Variants in ACSF3 observed in about 807,000 individuals in gnomAD.
ACSF3 encodes the protein acyl-CoA synthetase family member 3, also known as malonate--CoA ligase ACSF3, mitochondrial.
A neutral mutation model predicts 53.2 loss-of-function variants in ACSF3; 78 were observed. The ratio of observed to expected loss-of-function variants is 1.47; its 90% confidence interval spans 1.22 to 1.77. The LOEUF is 1.77. ACSF3 is among the 40% of genes most tolerant of loss of function. The pLI is 0.00. For missense variants in ACSF3, 937 were observed against 771.1 expected, an observed-to-expected ratio of 1.22 and a Z score of -2.55; for synonymous variants, 414 against 333.1, an observed-to-expected ratio of 1.24 and a Z score of -2.65.
At position 89,133,006 on chromosome 16, in the gene ACSF3, C is replaced by T. The variant is rs73254074; in HGVS notation, c.1240-130C>T. On this transcript the variant is annotated intron_variant, in intron 7 of 10. Transcript: ENST00000614302. ...GCGTTTTCCAAGCATTCCAACAAAGCGCTCAGTTTCAGAAAGCACGCGGCC... is the reference window on the plus strand; with the variant it reads ...GCGTTTTCCAAGCATTCCAACAAAGTGCTCAGTTTCAGAAAGCACGCGGCC... The T allele has an allele frequency of 1.7e-3, 2,280 of 1,329,738 alleles. 40 individuals are homozygous for T. The African/African-American group carries it at 0.03, about 17-fold the overall frequency. The allele number at this position is 1,329,738 out of a possible 1,614,324, so 82.4% of individuals were successfully genotyped here. A position where few individuals can be genotyped will look rare whatever the true frequency, so the allele number is the denominator to read the frequency against.
rs569353960 is a variant in ACSF3 at position 89,114,713 on chromosome 16, T to A, written c.1126+226T>A. 522 of 647,768 alleles carry A rather than the reference T, an allele frequency of 8.1e-4. 4 individuals carry two copies. The South Asian group carries it at 8.7e-3, about 11-fold the overall frequency. The allele number at this position is 647,768 out of a possible 1,614,324, so 40.1% of individuals were successfully genotyped here. On this transcript the variant is annotated intron_variant, in intron 6 of 10. Transcript: ENST00000614302. ...CAGTCGGGTGGATGGGGGAGGTGTC[T>A]GTGCTGGCCCCTGGCTGTATGACTG...
At chr16:89,145,489 C>T (rs531608809) in intron 9 of ACSF3, 88 bp downstream of exon 9, 18 of 1,509,222 alleles carry the variant, frequency 1.2e-5, no homozygotes, top group African/African-American at 9.6e-5. Context: ...GATGAGTCGA[C>T]GCCGTCCCAG....
chr16:89,109,990 G>A (rs1053382350), intron 4 of ACSF3, among the ~76,000 whole-genome samples: 1 of 152,188 alleles, frequency 6.6e-6, no homozygotes, highest in African/African-American at 2.4e-5. Flanking sequence ...TTACTGAGTT[G>A]TAAGAGTTCT....
In ACSF3 at chr16:89,113,734, C is replaced by T. The variant is rs74419385; in HGVS notation, c.978-605C>T. The stretch of plus-strand genomic sequence containing the variant: ...AATGCTGTGTGAGAGCGCGGGGACT[C>T]GGAGTTCTCAGGGCCCGTGTTCTCC... On this transcript the variant is annotated intron_variant, in intron 5 of 10. Transcript: ENST00000614302. 1.0e-3 allele frequency: 187 copies of T among 187,096 alleles called. 8 individuals carry two copies. Among genetic ancestry groups the T allele is most frequent in the East Asian group, 6.3e-3 (46 of 7,340 alleles). 11.6% of individuals were successfully genotyped at this position (187,096 alleles called of 1,614,324 possible). A position where few individuals can be genotyped will look rare whatever the true frequency, so the allele number is the denominator to read the frequency against.
At chr16:89,097,087 G>A (rs1164298797) in intron 1 of ACSF3, among the ~76,000 whole-genome samples, 1 of 152,244 alleles carries the variant, frequency 6.6e-6, no homozygotes, top group Non-Finnish European at 1.5e-5. Flanking sequence ...TCGCCCTGCG[G>A]GGTGACTCAG....
At chr16:89,141,193 G>A (rs1187962850) in intron 8 of ACSF3, 1 of 1,287,244 alleles carries the variant, frequency 7.8e-7, no homozygotes, top group Non-Finnish European at 1.0e-6. Context: ...TGGCTCCGAT[G>A]CCTCTGAGCC....
chr16:89,094,709 A>G (rs913108836), intron 1 of ACSF3, among the ~76,000 whole-genome samples: 6 of 152,156 alleles, frequency 3.9e-5, no homozygotes, highest in Non-Finnish European at 7.4e-5. Flanking sequence ...CCTGGGCAAC[A>G]TGGTGAGACC....
At chr16:89,103,413 C>G (rs548160600) in intron 4 of ACSF3, among the ~76,000 whole-genome samples, 198 of 152,384 alleles carry the variant, frequency 1.3e-3, no homozygotes, top group Admixed American at 2.1e-3. Context: ...TCTTGCAGCT[C>G]TGGAGGCCGC....
At position 89,155,455 on chromosome 16, in the gene ACSF3, A is replaced by C; in HGVS notation, c.*1248A>C. The C allele has an allele frequency of 2.2e-6, 1 of 454,084 alleles. No individual in the cohort carries two copies. The allele number at this position is 454,084 out of a possible 1,614,324, so 28.1% of individuals were successfully genotyped here. ...GCTCACTTGAGCATGTCGCCCACCA[A>C]GCTTGTCTGAGGCCACAGAGCAGCG... On this transcript the variant is annotated 3_prime_UTR_variant, in exon 11 of 11. Transcript: ENST00000614302.
intron 7 of ACSF3, among the ~76,000 whole-genome samples, chr16:89,124,561 G>A (rs1907555830): frequency 1.2e-5 from 1 of 82,090 alleles, no homozygotes; most frequent in Admixed American, 1.5e-4. Flanking sequence ...ATGTATGTGT[G>A]TGAGATACCC....
intron 8 of ACSF3, among the ~76,000 whole-genome samples, chr16:89,134,966 G>A (rs550742263): frequency 1.2e-4 from 18 of 152,140 alleles, no homozygotes; most frequent in South Asian, 4.1e-4. Flanking sequence ...GTGGACACAC[G>A]TGGTTGTGTG....
intron 8 of ACSF3, among the ~76,000 whole-genome samples, chr16:89,139,954 A>G (rs747877220): frequency 6.6e-6 from 1 of 152,122 alleles, no homozygotes; most frequent in Non-Finnish European, 1.5e-5. Flanking sequence ...GCCCAGGTTG[A>G]GGAGCCACCA....
At chr16:89,118,145 C>T (rs1426166373) in intron 6 of ACSF3, among the ~76,000 whole-genome samples, 1 of 148,348 alleles carries the variant, frequency 6.7e-6, no homozygotes, top group African/African-American at 2.5e-5. Context: ...GACGCTCTCT[C>T]TTCTCTAAGG....
At position 89,114,478 on chromosome 16, in the gene ACSF3, C is replaced by A. The variant is rs144907664; in HGVS notation, c.1117C>A (p.Arg373Ser). Residue 373 changes from arginine to serine, a missense_variant, in exon 6 of 11, where the codon CGC becomes AGC. By Grantham distance (110) the Arg-to-Ser change is moderately radical. Coordinates refer to ENST00000614302, the MANE Select transcript of ACSF3 (RefSeq NM_001243279.3). ...ALSGPLTTAV[R>S]LPGSVGTPLP... is the part of the protein sequence containing the mutation. ...GTCCGGGCCCCTGACCACTGCCGTG[C>A]GCCTGCCAGGTACGAGCACTTCCCA... The A allele has an allele frequency of 3.1e-6, 5 of 1,611,722 alleles. No individual in the cohort carries two copies. In the African/African-American group the frequency reaches 6.7e-5, roughly 22 times the overall value.
At chr16:89,095,175 G>C (rs980949711) in intron 1 of ACSF3, 1 of 152,218 alleles carries the variant, frequency 6.6e-6, no homozygotes, top group Non-Finnish European at 1.5e-5. Flanking sequence ...GCCTGGCTCA[G>C]GCTGGTGTCC....
At chr16:89,151,518 C>T (rs1452152018) in intron 10 of ACSF3, 1 of 264,958 alleles carries the variant, frequency 3.8e-6, no homozygotes, top group Admixed American at 5.1e-5. Context: ...AGTTAATGCA[C>T]AAAAAGACAA....
chr16:89,131,937 C>G (rs1215153223), intron 7 of ACSF3, among the ~76,000 whole-genome samples: 1 of 152,280 alleles, frequency 6.6e-6, no homozygotes, highest in African/African-American at 2.4e-5. Context: ...TGGGTGGCGT[C>G]AGCCCCTCCT....
At chr16:89,109,246 A>AAAAAG (rs71391287) in intron 4 of ACSF3, among the ~76,000 whole-genome samples, 13 of 102,448 alleles carry the variant, frequency 1.3e-4, no homozygotes, top group Non-Finnish European at 2.2e-4. Flanking sequence ...AAAAAAAAAA[A>AAAAAG]AAAAGAAAAG....
At chr16:89,109,058 C>T (rs1976357579) in intron 4 of ACSF3, among the ~76,000 whole-genome samples, 1 of 151,846 alleles carries the variant, frequency 6.6e-6, no homozygotes, top group African/African-American at 2.4e-5. Context: ...CAGGGTGAAA[C>T]CCTGTCTATA....
Sources: gnomAD v4.1 joint callset for allele counts (sites outside exome capture counted in the v4.1 genomes callset) on GRCh38, gnomAD v4.1.1 for gene constraint, MANE v1.5 for transcripts, NCBI Gene and HGNC (gene_info 2026-07-23, HGNC 2026-07-21) for gene names.